The following SLC35A1 variants were observed in gnomAD, a reference collection of about 807,000 sequenced individuals.
SLC35A1 encodes the protein CMP-sialic acid transporter.
Under a neutral mutation model 40.3 loss-of-function variants are expected in SLC35A1, and 21 were observed. The ratio of observed to expected loss-of-function variants is 0.52; its 90% CI spans 0.37 to 0.75. The LOEUF is 0.75. SLC35A1 is among the 30% of genes least tolerant of loss of function. The pLI is 0.00. For missense variants in SLC35A1, 297 were observed against 382.1 expected (o/e 0.78, Z 1.86); for synonymous variants, 146 against 147.3 (o/e 0.99, Z 0.06).
In SLC35A1 at chr6:87,473,001, A is replaced by G. The variant is rs1311410573; in HGVS notation, c.-3A>G. On this transcript the variant is annotated 5_prime_UTR_variant, in exon 1 of 8. Coordinates refer to ENST00000369552, the MANE Select transcript of SLC35A1 (RefSeq NM_006416.5). ...CAGTTCCGCGGGGGGCTGTCGGGGA[A>G]CCATGGCTGCCCCGAGAGGTGAGAA... 1.0e-5 allele frequency: 7 copies of G among 681,706 alleles called. No homozygotes were observed. The highest frequency in any genetic ancestry group is 7.6e-5 in the African/African-American group (4 of 52,758). The allele number at this position is 681,706 out of a possible 1,614,324, so 42.2% of individuals were successfully genotyped here.
At chr6:87,499,638 G>T (rs962138465) in intron 2 of SLC35A1, among the ~76,000 whole-genome samples, 3 of 152,102 alleles carry the variant, frequency 2.0e-5, no homozygotes, top group African/African-American at 7.2e-5. Flanking sequence ...AAATTATTCA[G>T]ATCTGCTACA....
At chr6:87,504,641 C>G (rs955356426) in intron 4 of SLC35A1, among the ~76,000 whole-genome samples, 17 of 152,186 alleles carry the variant, frequency 1.1e-4, no homozygotes, top group African/African-American at 4.1e-4. Flanking sequence ...GGCTCATGCT[C>G]AGATCACATG....
chr6:87,481,875 A>G (rs1769254839), intron 2 of SLC35A1, among the ~76,000 whole-genome samples: 1 of 152,206 alleles, frequency 6.6e-6, no homozygotes, highest in East Asian at 1.9e-4. Context: ...TTTCCTTTAC[A>G]ATTAACATTT....
chr6:87,486,222 C>T lies in SLC35A1; in HGVS notation c.194+8683C>T, dbSNP rs142333033. 2.6e-3 allele frequency among the ~76,000 whole-genome samples: 388 copies of T among 152,150 alleles called. 2 individuals carry two copies. The highest frequency in any genetic ancestry group is 9.0e-3 in the African/African-American group (375 of 41,494). On this transcript the variant is annotated intron_variant, in intron 2 of 7. Coordinates refer to ENST00000369552, the MANE Select transcript of SLC35A1 (RefSeq NM_006416.5). The stretch of plus-strand genomic sequence containing the variant: ...TAATTGTTAAAGTACATATATTATA[C>T]GGGAGTGGGAGGTGGGGGCAGAAAC...
intron 2 of SLC35A1, among the ~76,000 whole-genome samples, chr6:87,478,239 G>A (rs146631867): frequency 6.6e-6 from 1 of 152,292 alleles, no homozygotes; most frequent in East Asian, 1.9e-4. Flanking sequence ...AAGAATTAGG[G>A]GCATTGGAGG....
intron 1 of SLC35A1, among the ~76,000 whole-genome samples, chr6:87,474,860 A>G (rs774166540): frequency 2.2e-4 from 34 of 152,222 alleles, no homozygotes; most frequent in Non-Finnish European, 4.0e-4. Context: ...TATACTCACT[A>G]TGCAAAAAGG....
chr6:87,496,443 A>C (rs888541634), intron 2 of SLC35A1, among the ~76,000 whole-genome samples: 1 of 152,166 alleles, frequency 6.6e-6, no homozygotes, highest in Non-Finnish European at 1.5e-5. Context: ...ATTTGTTTTT[A>C]ACAGAGGTGC....
intron 2 of SLC35A1, among the ~76,000 whole-genome samples, chr6:87,497,805 T>C (rs1769787139): frequency 6.6e-6 from 1 of 152,132 alleles, no homozygotes. Context: ...CATAGCTCAC[T>C]GTAGCTTCAA....
chr6:87,504,537 C>T (rs1484165226), intron 4 of SLC35A1, among the ~76,000 whole-genome samples: 1 of 152,178 alleles, frequency 6.6e-6, no homozygotes, highest in East Asian at 1.9e-4. Context: ...GAATGTTCTT[C>T]TCACGAGCCA....
At chr6:87,505,469 C>T (rs1770050745) in intron 4 of SLC35A1, among the ~76,000 whole-genome samples, 1 of 152,222 alleles carries the variant, frequency 6.6e-6, no homozygotes, top group Non-Finnish European at 1.5e-5. Context: ...TTTGCCTATA[C>T]ATAACAGAGC....
chr6:87,510,812 G>A (rs898568181), intron 7 of SLC35A1, among the ~76,000 whole-genome samples: 2 of 151,704 alleles, frequency 1.3e-5, no homozygotes, highest in Non-Finnish European at 2.9e-5. Flanking sequence ...CAGAGGTTGC[G>A]GTGAGCCGAG....
chr6:87,494,907 C>T (rs1005648690), intron 2 of SLC35A1, among the ~76,000 whole-genome samples: 4 of 152,102 alleles, frequency 2.6e-5, no homozygotes, highest in Non-Finnish European at 5.9e-5. Flanking sequence ...TTAAACCTGT[C>T]ATTGTTAGTA....
intron 1 of SLC35A1, among the ~76,000 whole-genome samples, chr6:87,475,233 CA>C (rs1769033750): frequency 6.6e-6 from 1 of 152,214 alleles, no homozygotes; most frequent in South Asian, 2.1e-4. Context: ...GCAATTTTCA[CA>C]TATCACAAGA....
chr6:87,495,890 T>G (rs1246825884), intron 2 of SLC35A1, among the ~76,000 whole-genome samples: 1 of 152,048 alleles, frequency 6.6e-6, no homozygotes, highest in Non-Finnish European at 1.5e-5. Context: ...CTCCTGACCT[T>G]GTGATCCGCC....
At chr6:87,490,384 T>G (rs1377277582) in intron 2 of SLC35A1, among the ~76,000 whole-genome samples, 1 of 147,584 alleles carries the variant, frequency 6.8e-6, no homozygotes, top group African/African-American at 2.5e-5. Flanking sequence ...CCCAGGCTGG[T>G]GTACAGTGGC....
intron 2 of SLC35A1, among the ~76,000 whole-genome samples, chr6:87,495,645 C>G (rs1051043562): frequency 6.6e-6 from 1 of 151,524 alleles, no homozygotes; most frequent in African/African-American, 2.4e-5. Context: ...AACCTAGCCC[C>G]TCAAAGTCTT....
rs775162084 is a variant in SLC35A1 at position 87,477,423 on chromosome 6, CTA to C, written c.81_82del (p.Thr28HisfsTer37). On this transcript the variant is annotated frameshift_variant, in exon 2 of 8. Transcript: ENST00000369552. LOFTEE classifies it high-confidence loss of function. ...CAGTGATGACCCTGATGGCTGCAGT[CTA>C]TACCATAGCTTTAAGATACACAAGG... The part of the protein sequence containing the change: ...LAVMTLMAAV[Y>X]TIALRYTRTS... 1.2e-6 allele frequency: 2 copies of C among 1,613,696 alleles called. No homozygotes were observed. Among genetic ancestry groups the C allele is most frequent in the Non-Finnish European group, 1.7e-6 (2 of 1,179,702 alleles).
rs1474065979 is a variant in SLC35A1, at chr6:87,512,173, T to TGCTG, written c.*647_*648insGCTG. On this transcript the variant is annotated 3_prime_UTR_variant, in exon 8 of 8. Coordinates refer to ENST00000369552, the MANE Select transcript of SLC35A1 (RefSeq NM_006416.5). ...ATTCATTATCTGGTTCATATTTCTT[T>TGCTG]TCTGTTAGATGATACACATTTCTTC... 1.3e-5 allele frequency: 2 copies of TGCTG among 153,036 alleles called. No homozygotes were observed. Among genetic ancestry groups the TGCTG allele is most frequent in the African/African-American group, 2.4e-5 (1 of 41,582 alleles). The allele number at this position is 153,036 out of a possible 1,614,324, so 9.5% of individuals were successfully genotyped here. A position where few individuals can be genotyped will look rare whatever the true frequency, so the allele number is the denominator to read the frequency against.
intron 2 of SLC35A1, among the ~76,000 whole-genome samples, chr6:87,495,204 T>C (rs1457736297): frequency 6.6e-6 from 1 of 152,156 alleles, no homozygotes; most frequent in Non-Finnish European, 1.5e-5. Flanking sequence ...AAGCAATCCG[T>C]CTGCCATGGC....
Sources: gnomAD v4.1 joint callset for allele counts (sites outside exome capture counted in the v4.1 genomes callset) on GRCh38, gnomAD v4.1.1 for gene constraint, MANE v1.5 for transcripts, NCBI Gene and HGNC (gene_info 2026-07-23, HGNC 2026-07-21) for gene names.